WWOX: variants seen among roughly 807,000 people sequenced by gnomAD.
WWOX encodes the protein WW domain containing oxidoreductase, also known as WW domain-containing oxidoreductase.
A neutral mutation model predicts 46.2 loss-of-function variants in WWOX; 69 were observed. That is an observed-to-expected ratio of 1.49 (90% CI 1.23 to 1.82). The LOEUF (loss-of-function observed/expected upper bound fraction) is 1.82. Ranked by LOEUF, WWOX falls within the 40% of genes most tolerant of loss-of-function variation. The pLI is 0.00. For synonymous variants in WWOX, 359 were observed against 202.6 expected (o/e 1.77, Z -6.56); for missense variants, 919 against 542.6 (o/e 1.69, Z -6.89).
intron 5 of WWOX, among the ~76,000 whole-genome samples, chr16:78,296,938 G>A (rs2079952136): frequency 6.6e-6 from 1 of 152,046 alleles, no homozygotes; most frequent in Non-Finnish European, 1.5e-5. Context: ...ATTTTTTTTG[G>A]ATGGTGTTTA....
chr16:78,972,399 T>A (rs1035609478), intron 8 of WWOX, among the ~76,000 whole-genome samples: 3 of 151,898 alleles, frequency 2.0e-5, no homozygotes, highest in African/African-American at 7.3e-5. Context: ...CAGACATTAT[T>A]TATATCTATA....
intron 8 of WWOX, among the ~76,000 whole-genome samples, chr16:78,560,983 T>C (rs2044421423): frequency 6.6e-6 from 1 of 152,216 alleles, no homozygotes; most frequent in Non-Finnish European, 1.5e-5. Flanking sequence ...CTGGCTTCTC[T>C]GCTCAGGGTC....
At chr16:78,962,553 C>T (rs2046291225) in intron 8 of WWOX, among the ~76,000 whole-genome samples, 1 of 152,020 alleles carries the variant, frequency 6.6e-6, no homozygotes. Context: ...AAATGGTTTT[C>T]CAAGTGAATG....
In WWOX at chr16:79,140,396, A is replaced by G. The variant is rs141648728; in HGVS notation, c.1057-71212A>G. ...TCCACCGCAGCATCCGCCAGCTCTTATAATCACTTGCCCTTTGCTGATGGT... is the reference window on the plus strand; with the variant it reads ...TCCACCGCAGCATCCGCCAGCTCTTGTAATCACTTGCCCTTTGCTGATGGT... On this transcript the variant is annotated intron_variant, in intron 8 of 8. Coordinates refer to ENST00000566780, the MANE Select transcript of WWOX (RefSeq NM_016373.4). Among the ~76,000 whole-genome samples, 961 of 152,332 alleles carry G rather than the reference A, an allele frequency of 6.3e-3. 1 individual carries two copies. Among genetic ancestry groups the G allele is most frequent in the Non-Finnish European group, 0.01 (712 of 68,026 alleles).
intron 8 of WWOX, among the ~76,000 whole-genome samples, chr16:78,894,966 A>C (rs1380989003): frequency 6.6e-6 from 1 of 152,090 alleles, no homozygotes; most frequent in Non-Finnish European, 1.5e-5. Context: ...CCCAGGATCC[A>C]CCTCCACAAC....
intron 8 of WWOX, among the ~76,000 whole-genome samples, chr16:78,910,549 C>G (rs894743680): frequency 1.3e-5 from 2 of 149,848 alleles, no homozygotes; most frequent in Admixed American, 6.7e-5. Context: ...TGAGTCTTTT[C>G]TCATACTACT....
intron 8 of WWOX, among the ~76,000 whole-genome samples, chr16:78,879,452 C>T (rs1367724748): frequency 2.6e-5 from 4 of 151,970 alleles, no homozygotes; most frequent in East Asian, 1.9e-4. Context: ...TCAGGATCTG[C>T]TCTCACTTCC....
At chr16:79,096,010 C>T (rs549304723) in intron 8 of WWOX, among the ~76,000 whole-genome samples, 26 of 117,126 alleles carry the variant, frequency 2.2e-4, no homozygotes, top group African/African-American at 8.1e-4. Flanking sequence ...CTGCCACACC[C>T]GGATAATTTT....
intron 8 of WWOX, among the ~76,000 whole-genome samples, chr16:78,816,107 T>C (rs891712165): frequency 1.3e-5 from 2 of 152,200 alleles, no homozygotes; most frequent in Non-Finnish European, 2.9e-5. Context: ...TTAATGTGAA[T>C]AAATACTCCC....
intron 8 of WWOX, among the ~76,000 whole-genome samples, chr16:78,527,410 T>A (rs2043501918): frequency 6.6e-6 from 1 of 151,876 alleles, no homozygotes; most frequent in African/African-American, 2.4e-5. Flanking sequence ...TTTCCTGCCT[T>A]GGGCCCCTGA....
intron 8 of WWOX, among the ~76,000 whole-genome samples, chr16:78,523,921 C>G (rs1231320239): frequency 6.6e-6 from 1 of 152,172 alleles, no homozygotes; most frequent in East Asian, 1.9e-4. Context: ...TTAAGAAATA[C>G]CAGTGATTTC....
intron 8 of WWOX, among the ~76,000 whole-genome samples, chr16:78,448,384 T>C (rs74030266): frequency 0.074 from 11,217 of 152,240 alleles, 501 homozygotes; most frequent in East Asian, 0.2. Context: ...CATTATTTTA[T>C]AGCCTTTGTA....
intron 4 of WWOX, among the ~76,000 whole-genome samples, chr16:78,162,335 A>G (rs2034821779): frequency 6.6e-6 from 1 of 152,126 alleles, no homozygotes; most frequent in African/African-American, 2.4e-5. Context: ...TTCTAAAACT[A>G]TCTGCAGTTT....
At chr16:78,460,720 A>G (rs1597116861) in intron 8 of WWOX, among the ~76,000 whole-genome samples, 1 of 152,216 alleles carries the variant, frequency 6.6e-6, no homozygotes, top group African/African-American at 2.4e-5. Flanking sequence ...TTTAAACATG[A>G]CATTCGATCC....
intron 8 of WWOX, among the ~76,000 whole-genome samples, chr16:79,188,113 T>C (rs1173447239): frequency 6.6e-6 from 1 of 152,184 alleles, no homozygotes; most frequent in African/African-American, 2.4e-5. Context: ...CACTTTGATT[T>C]TTCTCATCTC....
At chr16:78,992,842 C>T (rs1020582454) in intron 8 of WWOX, among the ~76,000 whole-genome samples, 1 of 152,072 alleles carries the variant, frequency 6.6e-6, no homozygotes, top group Non-Finnish European at 1.5e-5. Flanking sequence ...GCTTTCTCCC[C>T]AAACCTTCTA....
chr16:78,415,918 C>A (rs2151952955), intron 6 of WWOX, among the ~76,000 whole-genome samples: 1 of 152,220 alleles, frequency 6.6e-6, no homozygotes, highest in Middle Eastern at 3.4e-3. Context: ...TAAATAGCAT[C>A]CCCACAGTCA....
intron 8 of WWOX, among the ~76,000 whole-genome samples, chr16:78,858,105 GAAATT>G (rs1228214799): frequency 6.6e-6 from 1 of 151,396 alleles, no homozygotes; most frequent in African/African-American, 2.4e-5. Context: ...AAAAATGAAA[GAAATT>G]AAAAAGATAC....
chr16:78,310,194 T>C (rs550121629), intron 5 of WWOX, among the ~76,000 whole-genome samples: 12 of 152,270 alleles, frequency 7.9e-5, no homozygotes, highest in Non-Finnish European at 1.8e-4. Context: ...TAAGAACATT[T>C]ATTGTGTTTC....
Sources: gnomAD v4.1 joint callset for allele counts (sites outside exome capture counted in the v4.1 genomes callset) on GRCh38, gnomAD v4.1.1 for gene constraint, MANE v1.5 for transcripts, NCBI Gene and HGNC (gene_info 2026-07-23, HGNC 2026-07-21) for gene names.